The following MTUS1 variants were observed in gnomAD, a reference collection of about 807,000 sequenced individuals.
The protein encoded by MTUS1 is microtubule-associated tumor suppressor 1.
MTUS1 carries 109 observed loss-of-function variants against 120.8 expected under a neutral mutation model. The observed-to-expected ratio is 0.90, with a 90% CI of 0.77 to 1.06. The LOEUF is 1.06. Among genes scored for constraint, MTUS1 ranks in the 50% least tolerant of loss-of-function variants. The pLI is 0.00. For missense variants in MTUS1, 2,210 were observed against 1,486.3 expected (o/e 1.49, Z -8.01); for synonymous variants, 737 against 550.5 (o/e 1.34, Z -4.74).
At position 17,755,871 on chromosome 8, in the gene MTUS1, G is replaced by A; in HGVS notation, c.-64C>T. 6.5e-7 allele frequency: 1 copy of A among 1,540,320 alleles called. No individual in the cohort carries two copies. Among genetic ancestry groups the A allele is most frequent in the Non-Finnish European group, 8.7e-7 (1 of 1,149,442 alleles). ...TCTTCAATTCCTTTTAAATGAGAGG[G>A]TGGGCAAAATGGTCTGTCTTCTAGG... is the stretch of plus-strand genomic sequence containing the variant. On this transcript the variant is annotated 5_prime_UTR_variant, in exon 2 of 15. Coordinates refer to ENST00000693296, the MANE Select transcript of MTUS1 (RefSeq NM_001363059.2).
chr8:17,787,686 T>C (rs2051420805), intron 1 of MTUS1, among the ~76,000 whole-genome samples: 1 of 152,248 alleles, frequency 6.6e-6, no homozygotes, highest in Non-Finnish European at 1.5e-5. Flanking sequence ...TAGGGTCGTT[T>C]TAGAGTTAAA....
chr8:17,697,302 G>A (rs773223784), intron 6 of MTUS1: 33 of 1,613,980 alleles, frequency 2.0e-5, no homozygotes, highest in Non-Finnish European at 2.8e-5. Flanking sequence ...GAAGGAAGTC[G>A]AAGGTTTCGA....
At chr8:17,704,140 G>A (rs1207529017) in intron 6 of MTUS1, 4 of 152,126 alleles carry the variant, frequency 2.6e-5, no homozygotes, top group Admixed American at 6.5e-5. Context: ...ACAGACCATG[G>A]GAATGCAAGT....
chr8:17,709,877 A>G lies in MTUS1; in HGVS notation c.2623+3337T>C, dbSNP rs558302054. 1.1e-4 allele frequency among the ~76,000 whole-genome samples: 16 copies of G among 151,712 alleles called. No individual in the cohort carries two copies. In the South Asian group the frequency reaches 1.5e-3, roughly 14 times the overall value. Reference sequence around the variant, plus strand: ...AAAAAATTAGCCGGGCATGGTGGCGAGCACCTGTAGTCCCAGCTACTCGGG... The same window carrying G: ...AAAAAATTAGCCGGGCATGGTGGCGGGCACCTGTAGTCCCAGCTACTCGGG... On this transcript the variant is annotated intron_variant, in intron 6 of 14. Coordinates refer to ENST00000693296, the MANE Select transcript of MTUS1 (RefSeq NM_001363059.2).
intron 8 of MTUS1, among the ~76,000 whole-genome samples, chr8:17,666,004 C>T (rs927430917): frequency 1.3e-5 from 2 of 151,662 alleles, no homozygotes; most frequent in Non-Finnish European, 2.9e-5. Context: ...TGCCAGTGTT[C>T]CTCCTCCCAC....
chr8:17,722,202 G>C (rs915595208), intron 4 of MTUS1: 4 of 1,032,104 alleles, frequency 3.9e-6, no homozygotes, highest in Admixed American at 1.1e-4. Context: ...AGCCTCCTTA[G>C]GAGCATCAGA....
Position 17,755,772 on chromosome 8 carries a change from ATCT to A in MTUS1, c.33_35del (p.Glu11del). 1.3e-5 allele frequency: 21 copies of A among 1,613,788 alleles called. No individual in the cohort carries two copies. Among genetic ancestry groups the A allele is most frequent in the Non-Finnish European group, 1.8e-5 (21 of 1,179,922 alleles). ...CACTGGTAAAGAAGGTTTGCAATTC[ATCT>A]TCTATTTTATCATCTGAATTATCAT... On this transcript the variant is annotated inframe_deletion, in exon 2 of 15. Transcript: ENST00000693296.
chr8:17,686,817 G>C (rs1815910825), intron 6 of MTUS1, among the ~76,000 whole-genome samples: 1 of 152,146 alleles, frequency 6.6e-6, no homozygotes, highest in African/African-American at 2.4e-5. Context: ...TGAAGGGAAG[G>C]TAATAGGAAT....
At chr8:17,797,408 G>A (rs1472878244) in intron 1 of MTUS1, among the ~76,000 whole-genome samples, 3 of 148,998 alleles carry the variant, frequency 2.0e-5, no homozygotes, top group South Asian at 2.1e-4. Context: ...GCAATATCCC[G>A]TCTCAAAAAA....
chr8:17,713,984 G>A (rs1379000203), intron 5 of MTUS1, among the ~76,000 whole-genome samples: 2 of 152,162 alleles, frequency 1.3e-5, no homozygotes, highest in East Asian at 3.9e-4. Flanking sequence ...AGAATTCTGA[G>A]TCTCCTGTTC....
chr8:17,716,017 A>T (rs1665951465), intron 4 of MTUS1, 116 bp from the exon 5 acceptor site: 1 of 882,854 alleles, frequency 1.1e-6, no homozygotes, highest in African/African-American at 1.7e-5. Flanking sequence ...ACGACATGCC[A>T]GTCATTACTG....
At chr8:17,732,510 C>T (rs2046656800) in intron 3 of MTUS1, among the ~76,000 whole-genome samples, 1 of 152,202 alleles carries the variant, frequency 6.6e-6, no homozygotes, top group Admixed American at 6.5e-5. Flanking sequence ...ACACTTACTG[C>T]CGTGGGGCTC....
chr8:17,690,090 T>A (rs547066458), intron 6 of MTUS1, among the ~76,000 whole-genome samples: 28 of 152,186 alleles, frequency 1.8e-4, no homozygotes, highest in African/African-American at 6.5e-4. Context: ...ACAGACAACC[T>A]ATAGAATGGG....
chr8:17,691,043 T>C (rs1816843113), intron 6 of MTUS1, among the ~76,000 whole-genome samples: 5 of 152,330 alleles, frequency 3.3e-5, no homozygotes, highest in South Asian at 2.1e-4. Flanking sequence ...CCAGAATAAA[T>C]TGTTCTAACA....
chr8:17,645,643 C>CAA lies in MTUS1; in HGVS notation c.*281_*282dup, dbSNP rs531520066. On this transcript the variant is annotated 3_prime_UTR_variant, in exon 15 of 15. Coordinates refer to ENST00000693296, the MANE Select transcript of MTUS1 (RefSeq NM_001363059.2). ...ATGCTTAGGTGAAAAAGGCAATGAA[C>CAA]AAGATGCTCTCGTTCTTTAAGTGCT... 2.0e-4 allele frequency: 59 copies of CAA among 292,324 alleles called. No individual in the cohort carries two copies. The highest frequency in any genetic ancestry group is 9.4e-4 in the African/African-American group (43 of 45,930). 18.1% of individuals were successfully genotyped at this position (292,324 alleles called of 1,614,324 possible). A position where few individuals can be genotyped will look rare whatever the true frequency, so the allele number is the denominator to read the frequency against.
At chr8:17,770,634 T>G (rs1405140873) in intron 1 of MTUS1, 1 of 152,202 alleles carries the variant, frequency 6.6e-6, no homozygotes, top group Non-Finnish European at 1.5e-5. Flanking sequence ...GGGACTATGA[T>G]TATTCAAAGA....
intron 2 of MTUS1, among the ~76,000 whole-genome samples, chr8:17,750,146 AT>A (rs1482403433): frequency 6.6e-6 from 1 of 152,236 alleles, no homozygotes; most frequent in African/African-American, 2.4e-5. Context: ...ATAAAGCCCA[AT>A]GCCGATGGCA....
At chr8:17,771,302 C>A (rs1039713763) in intron 1 of MTUS1, among the ~76,000 whole-genome samples, 3 of 152,152 alleles carry the variant, frequency 2.0e-5, no homozygotes, top group Non-Finnish European at 2.9e-5. Flanking sequence ...GGGGGCTGCA[C>A]TGTAAGTTTA....
chr8:17,681,350 C>T (rs965351459), intron 7 of MTUS1, among the ~76,000 whole-genome samples: 1 of 152,136 alleles, frequency 6.6e-6, no homozygotes, highest in Non-Finnish European at 1.5e-5. Context: ...GCAAGGACAG[C>T]AACCCAGTAA....
Sources: allele counts gnomAD v4.1 joint callset (sites outside exome capture counted in the v4.1 genomes callset), GRCh38; gene constraint gnomAD v4.1.1; transcripts MANE v1.5; gene names NCBI Gene and HGNC (gene_info 2026-07-23, HGNC 2026-07-21).